The following POLN variants were observed in gnomAD, a reference collection of about 807,000 sequenced individuals.
POLN encodes the protein DNA polymerase nu, also known as DNA polymerase N.
Under a neutral mutation model 113.5 loss-of-function variants are expected in POLN, and 108 were observed. The observed-to-expected ratio is 0.95, with a 90% CI of 0.81 to 1.12. POLN has a LOEUF of 1.12. POLN is among the 50% of genes most tolerant of loss of function. POLN has a pLI of 0.00. For missense variants in POLN, 1,097 were observed against 1,077.1 expected, an observed-to-expected ratio of 1.02 and a Z score of -0.26; for synonymous variants, 386 against 391.5, an observed-to-expected ratio of 0.99 and a Z score of 0.17.
chr4:2,153,926 G>A (rs550336185), intron 16 of POLN, among the ~76,000 whole-genome samples: 25 of 151,712 alleles, frequency 1.6e-4, no homozygotes, highest in Non-Finnish European at 2.7e-4. Context: ...GGCCAGGCGC[G>A]GTGGCTCATA....
chr4:2,176,922 C>T (rs1038693955), intron 8 of POLN, among the ~76,000 whole-genome samples: 1 of 152,120 alleles, frequency 6.6e-6, no homozygotes, highest in African/African-American at 2.4e-5. Context: ...TCTTCAACAC[C>T]CCATTCTGCC....
At chr4:2,230,355 A>G (rs1198328838) in intron 2 of POLN, 1 of 152,156 alleles carries the variant, frequency 6.6e-6, no homozygotes, top group Non-Finnish European at 1.5e-5. Context: ...ACTAATTTAA[A>G]CAGAATATGC....
At chr4:2,151,693 C>A (rs948902824) in intron 16 of POLN, among the ~76,000 whole-genome samples, 5 of 152,294 alleles carry the variant, frequency 3.3e-5, no homozygotes, top group East Asian at 1.9e-4. Context: ...ATAGTAACAA[C>A]GCTGTGAAAG....
intron 23 of POLN, chr4:2,079,513 C>T (rs947441076): frequency 3.7e-5 from 36 of 985,370 alleles, no homozygotes; most frequent in South Asian, 4.7e-5. Flanking sequence ...CTTGTGTGTG[C>T]GTGTGTGTGC....
intron 8 of POLN, 50 bp from the exon 9 acceptor site, chr4:2,176,384 T>C (rs1033703424): frequency 2.9e-6 from 4 of 1,381,420 alleles, no homozygotes; most frequent in East Asian, 2.4e-5. Flanking sequence ...TTGGTGGCAG[T>C]GCTCACCACA....
chr4:2,240,044 G>C (rs557224765), intron 2 of POLN: 1 of 1,611,410 alleles, frequency 6.2e-7, no homozygotes, highest in South Asian at 1.1e-5. Context: ...TTACCTTGCT[G>C]GTTAGGCTGT....
intron 16 of POLN, among the ~76,000 whole-genome samples, chr4:2,152,336 C>T (rs1732316612): frequency 6.8e-6 from 1 of 148,100 alleles, no homozygotes; most frequent in African/African-American, 2.5e-5. Context: ...TTGCACCTGG[C>T]CTGATTTTTT....
At chr4:2,099,106 TTAAA>T (rs536238722) in intron 19 of POLN, among the ~76,000 whole-genome samples, 3 of 152,114 alleles carry the variant, frequency 2.0e-5, no homozygotes, top group Admixed American at 2.0e-4. Flanking sequence ...ATTCAAAGGA[TTAAA>T]TAAATAAATG....
At chr4:2,220,593 C>G (rs1385949896) in intron 3 of POLN, among the ~76,000 whole-genome samples, 3 of 152,238 alleles carry the variant, frequency 2.0e-5, no homozygotes, top group Non-Finnish European at 4.4e-5. Context: ...TCCTTCGGCA[C>G]CCCACTTCAG....
In POLN at chr4:2,108,882, G is replaced by A. The variant is rs145508952; in HGVS notation, c.1983-12949C>T. 3.7e-3 allele frequency among the ~76,000 whole-genome samples: 563 copies of A among 152,084 alleles called. 5 individuals carry two copies. Among genetic ancestry groups the A allele is most frequent in the African/African-American group, 0.013 (540 of 41,500 alleles). ...ATGACAAAATCGCTATGGTCCTCAGGCATGCAAAGACACTTTCCTCGTGGG... is the reference window on the plus strand; with the variant it reads ...ATGACAAAATCGCTATGGTCCTCAGACATGCAAAGACACTTTCCTCGTGGG... On this transcript the variant is annotated intron_variant, in intron 19 of 25. Coordinates refer to ENST00000511885, the MANE Select transcript of POLN (RefSeq NM_181808.4).
chr4:2,107,850 A>C (rs1048560974), intron 19 of POLN, among the ~76,000 whole-genome samples: 1 of 152,204 alleles, frequency 6.6e-6, no homozygotes, highest in East Asian at 1.9e-4. Flanking sequence ...GAGGAGCTAC[A>C]ATGACCATAA....
chr4:2,234,452 T>C (rs1734686462), intron 2 of POLN: 1 of 152,942 alleles, frequency 6.5e-6, no homozygotes, highest in Non-Finnish European at 1.5e-5. Context: ...CTGCCCCATA[T>C]CCTTGGTCTT....
At chr4:2,206,336 A>T (rs983383141) in intron 5 of POLN, among the ~76,000 whole-genome samples, 2 of 152,266 alleles carry the variant, frequency 1.3e-5, no homozygotes, top group Non-Finnish European at 2.9e-5. Context: ...AAATTGGCTT[A>T]GGCAAGGATT....
chr4:2,170,820 G>A (rs1189436110), intron 12 of POLN, 46 bp from the exon 13 acceptor site: 1 of 1,532,498 alleles, frequency 6.5e-7, no homozygotes, highest in East Asian at 2.2e-5. Context: ...TCACATTTGA[G>A]AGAAACAGAA....
At chr4:2,179,250 G>A (rs751897418) in intron 8 of POLN, 58 bp downstream of exon 8, 17 of 1,466,970 alleles carry the variant, frequency 1.2e-5, no homozygotes, top group African/African-American at 1.5e-5. Context: ...AATAGAAAAA[G>A]CTTCCAGAAA....
At chr4:2,184,331 A>C (rs1015813528) in intron 7 of POLN, among the ~76,000 whole-genome samples, 3 of 151,916 alleles carry the variant, frequency 2.0e-5, no homozygotes, top group African/African-American at 7.3e-5. Context: ...AGGGAAAGAG[A>C]ATCAGATTTT....
chr4:2,231,067 T>G (rs148077850), intron 2 of POLN: 66 of 152,306 alleles, frequency 4.3e-4, no homozygotes, highest in African/African-American at 1.1e-3. Flanking sequence ...TTGTAGAAAC[T>G]TTTGAGTCCC....
chr4:2,159,038 C>G, intron 14 of POLN, 117 bp downstream of exon 14: 1 of 796,372 alleles, frequency 1.3e-6, no homozygotes. Context: ...AAACTCTATT[C>G]CCCTGAGAAC....
At chr4:2,130,024 T>C (rs1258576451) in intron 17 of POLN, among the ~76,000 whole-genome samples, 1 of 151,686 alleles carries the variant, frequency 6.6e-6, no homozygotes, top group Non-Finnish European at 1.5e-5. Context: ...GAGGCCGAGA[T>C]GGGAAGATCA....
Sources: allele counts gnomAD v4.1 joint callset (sites outside exome capture counted in the v4.1 genomes callset), GRCh38; gene constraint gnomAD v4.1.1; transcripts MANE v1.5; gene names NCBI Gene and HGNC (gene_info 2026-07-23, HGNC 2026-07-21).